KCNJ13: variants seen among roughly 807,000 people sequenced by gnomAD.
KCNJ13 encodes the protein potassium inwardly rectifying channel subfamily J member 13, also known as inward rectifier potassium channel 13.
In KCNJ13, 9 loss-of-function variants were observed where a neutral mutation model predicts 24.6. The ratio of observed to expected loss-of-function variants is 0.37; its 90% CI spans 0.22 to 0.64. KCNJ13 has a LOEUF of 0.64. KCNJ13 is among the 30% of genes least tolerant of loss of function. The pLI is 0.64. For synonymous variants in KCNJ13, 148 were observed against 154.7 expected (o/e 0.96, Z 0.32); for missense variants, 337 against 443.8 (o/e 0.76, Z 2.16).
At chr2:232,772,069 C>T (rs1699283499) in intron 1 of KCNJ13, among the ~76,000 whole-genome samples, 1 of 152,160 alleles carries the variant, frequency 6.6e-6, no homozygotes, top group Non-Finnish European at 1.5e-5. Context: ...ACTGCAACCT[C>T]AGCAAATTTT....
intron 1 of KCNJ13, among the ~76,000 whole-genome samples, chr2:232,772,918 G>A (rs923969503): frequency 6.6e-6 from 1 of 152,030 alleles, no homozygotes; most frequent in Non-Finnish European, 1.5e-5. Context: ...TGTGTTGTTG[G>A]AATTGGATAT....
intron 2 of KCNJ13, among the ~76,000 whole-genome samples, chr2:232,769,713 G>A (rs1699151442): frequency 6.6e-6 from 1 of 151,936 alleles, no homozygotes; most frequent in African/African-American, 2.4e-5. Context: ...GATTTTGTTG[G>A]CGGGCTGTTG....
Position 232,771,249 on chromosome 2 carries a change from A to G in KCNJ13, c.114T>C (p.Leu38=). 2.5e-6 allele frequency: 4 copies of G among 1,609,702 alleles called. No homozygotes were observed. Among genetic ancestry groups the G allele is most frequent in the Non-Finnish European group, 3.4e-6 (4 of 1,176,768 alleles). ...TLQMDGAQRG[L]AYLRDAWGIL... ...TTCCCCAAGCATCTCGAAGATATGC[A>G]AGACCTCTTTGAGCGCCATCCATTT... Residue 38 remains leucine (L), a synonymous_variant, in exon 2 of 3, where the codon CTT becomes CTC. Transcript: ENST00000233826.
At chr2:232,769,305 C>T (rs1202303504) in intron 2 of KCNJ13, among the ~76,000 whole-genome samples, 1 of 151,862 alleles carries the variant, frequency 6.6e-6, no homozygotes, top group Non-Finnish European at 1.5e-5. Context: ...CCGAGGCGGG[C>T]GGGTCATTTG....
At chr2:232,770,629 A>G (rs1273874650) in intron 2 of KCNJ13, among the ~76,000 whole-genome samples, 1 of 151,736 alleles carries the variant, frequency 6.6e-6, no homozygotes, top group Non-Finnish European at 1.5e-5. Flanking sequence ...TTGATATGGG[A>G]TATTTCTGCA....
rs1464052424 is a variant in KCNJ13, at chr2:232,767,750, A to T, written c.*441T>A. 4 of 174,774 alleles carry T rather than the reference A, an allele frequency of 2.3e-5. 1 individual carries two copies. Among genetic ancestry groups the T allele is most frequent in the Non-Finnish European group, 4.9e-5 (4 of 81,476 alleles). The allele number at this position is 174,774 out of a possible 1,614,324, so 10.8% of individuals were successfully genotyped here. ...TGAAAAAAATCCCAGCTCTTAAAGG[A>T]TATTCACTAAGTATAGTGAAGTCGT... On this transcript the variant is annotated 3_prime_UTR_variant, in exon 3 of 3. Transcript: ENST00000233826.
At position 232,768,712 on chromosome 2, in the gene KCNJ13, T is replaced by C; in HGVS notation, c.562A>G (p.Ile188Val). 2 of 1,603,148 alleles carry C rather than the reference T, an allele frequency of 1.2e-6. No homozygotes were observed. The highest frequency in any genetic ancestry group is 1.7e-6 in the Non-Finnish European group (2 of 1,171,522). The change falls in exon 3 of 3, where the codon ATC (isoleucine) becomes GTC (valine). Residue 188 changes from isoleucine to valine, a missense_variant. Transcript: ENST00000233826. ...GGTCGGGTGTTGGCCACTTGGAAGA[T>C]AAGATTAGGTTTGCCATCCATGTGA... is the stretch of plus-strand genomic sequence containing the variant. ...VAHMDGKPNL[I>V]FQVANTRPSP...
At position 232,768,819 on chromosome 2, in the gene KCNJ13, T is replaced by C. The variant is rs1339302698; in HGVS notation, c.461-6A>G. 1.2e-6 allele frequency: 2 copies of C among 1,600,292 alleles called. No individual in the cohort carries two copies. The highest frequency in any genetic ancestry group is 1.7e-6 in the Non-Finnish European group (2 of 1,171,716). ...AATCTTCGCCACAAAAGCACCTAAA[T>C]AAGAAATTATTGATTTTTTTTTAGA... On this transcript the variant is annotated splice_polypyrimidine_tract_variant and splice_region_variant and intron_variant, in intron 2 of 2. Coordinates refer to ENST00000233826, the MANE Select transcript of KCNJ13 (RefSeq NM_002242.4).
At chr2:232,770,312 T>C (rs1478352220) in intron 2 of KCNJ13, among the ~76,000 whole-genome samples, 1 of 152,212 alleles carries the variant, frequency 6.6e-6, no homozygotes, top group Admixed American at 6.5e-5. Flanking sequence ...GTTTTCTGTG[T>C]TCATGAGCAA....
Position 232,773,708 on chromosome 2 carries a change from A to C in KCNJ13, c.-16-2330T>G, listed in dbSNP as rs369369132. Among the ~76,000 whole-genome samples, 42 of 152,220 alleles carry C rather than the reference A, an allele frequency of 2.8e-4. No individual in the cohort carries two copies. In the South Asian group the frequency reaches 8.5e-3, roughly 31 times the overall value. On this transcript the variant is annotated intron_variant, in intron 1 of 2. Coordinates refer to ENST00000233826, the MANE Select transcript of KCNJ13 (RefSeq NM_002242.4). ...ATATATATATTGTTTAGCATGTGCC[A>C]GGAATCATACCAAATACTTCATATG... is the stretch of plus-strand genomic sequence containing the variant.
chr2:232,770,877 T>C (rs1699217131), intron 2 of KCNJ13, 26 bp downstream of exon 2: 1 of 1,563,430 alleles, frequency 6.4e-7, no homozygotes, highest in Non-Finnish European at 8.8e-7. Context: ...TGTTTTTGTT[T>C]TTTTTAAGAA....
rs1358166246 is a variant in KCNJ13 at position 232,767,420 on chromosome 2, A to G, written c.*771T>C. 3 of 152,558 alleles carry G rather than the reference A, an allele frequency of 2.0e-5. No homozygotes were observed. The highest frequency in any genetic ancestry group is 1.3e-4 in the Admixed American group (2 of 15,272). The allele number at this position is 152,558 out of a possible 1,614,324, so 9.5% of individuals were successfully genotyped here. A position where few individuals can be genotyped will look rare whatever the true frequency, so the allele number is the denominator to read the frequency against. ...ACTTAGGTTGCTAGAAGTCATTTAG[A>G]TGAATCACCGTTTGATTATTATGGA... On this transcript the variant is annotated 3_prime_UTR_variant, in exon 3 of 3. Coordinates refer to ENST00000233826, the MANE Select transcript of KCNJ13 (RefSeq NM_002242.4).
intron 2 of KCNJ13, 47 bp from the exon 3 acceptor site, chr2:232,768,860 A>G: frequency 6.7e-7 from 1 of 1,494,130 alleles, no homozygotes; most frequent in Non-Finnish European, 9.2e-7. Flanking sequence ...GACTTTAAAT[A>G]TCAATACTTT....
Position 232,768,163 on chromosome 2 carries a change from AT to A in KCNJ13, c.*27del. 1 of 1,611,322 alleles carries A rather than the reference AT, an allele frequency of 6.2e-7. No homozygotes were observed. Among genetic ancestry groups the A allele is most frequent in the Non-Finnish European group, 8.5e-7 (1 of 1,177,848 alleles). ...AGTAGCTGCATAACTGGCTGGGTGT[AT>A]TTAATACATTAAAAAATGGATAAGT... On this transcript the variant is annotated 3_prime_UTR_variant, in exon 3 of 3. Transcript: ENST00000233826.
At chr2:232,770,001 A>T (rs565738491) in intron 2 of KCNJ13, among the ~76,000 whole-genome samples, 5 of 152,242 alleles carry the variant, frequency 3.3e-5, no homozygotes, top group Admixed American at 6.5e-5. Flanking sequence ...CCTGTAGGAG[A>T]TGCCAAATTT....
rs1336982503 is a variant in KCNJ13 at position 232,769,284 on chromosome 2, A to G, written c.461-471T>C. 2.0e-5 allele frequency among the ~76,000 whole-genome samples: 3 copies of G among 152,108 alleles called. No individual in the cohort carries two copies. The East Asian group carries it at 5.8e-4, about 29-fold the overall frequency. ...GGTGTCTCACGCCTGTAATCCCGGC[A>G]CTTTGGGAGCCCGAGGCGGGCGGGT... On this transcript the variant is annotated intron_variant, in intron 2 of 2. Transcript: ENST00000233826.
chr2:232,768,936 G>C, intron 2 of KCNJ13, 123 bp from the exon 3 acceptor site: 2 of 775,442 alleles, frequency 2.6e-6, no homozygotes. Context: ...CAGTGAGTCA[G>C]GAATTGAACT....
At chr2:232,771,453 CT>C in intron 1 of KCNJ13, 75 bp from the exon 2 acceptor site, 3 of 930,494 alleles carry the variant, frequency 3.2e-6, no homozygotes, top group Admixed American at 5.3e-5. Flanking sequence ...AGCTCATGGA[CT>C]TTCTGCTTTC....
chr2:232,775,675 C>T (rs1699482358), intron 1 of KCNJ13, among the ~76,000 whole-genome samples: 1 of 152,156 alleles, frequency 6.6e-6, no homozygotes, highest in Admixed American at 6.5e-5. Context: ...CACTGATCAT[C>T]AGAATTCATT....
Sources: allele counts gnomAD v4.1 joint callset (sites outside exome capture counted in the v4.1 genomes callset), GRCh38; gene constraint gnomAD v4.1.1; transcripts MANE v1.5; gene names NCBI Gene and HGNC (gene_info 2026-07-23, HGNC 2026-07-21).